The following RAB40A variants were observed in gnomAD, a reference collection of about 807,000 sequenced individuals.
RAB40A encodes the protein ras-related protein Rab-40A.
For missense variants in RAB40A, 145 were observed against 230.2 expected (o/e 0.63, Z 2.40); for synonymous variants, 65 against 99.9 (o/e 0.65, Z 2.08).
At chrX:103,503,189 CA>C (rs1603129736) in intron 2 of RAB40A, 76 of 751,744 alleles carry the variant, frequency 1.0e-4, no homozygotes, top group Non-Finnish European at 1.2e-4. Flanking sequence ...AGATGTAAAA[CA>C]AGACTGTAAA....
At chrX:103,511,370 G>T (rs1313433039) in intron 2 of RAB40A, among the ~76,000 whole-genome samples, 3 of 110,046 alleles carry the variant, frequency 2.7e-5, no homozygotes, top group Admixed American at 9.7e-5. Context: ...AGGTGTGGTG[G>T]TGGGCGCCTG....
chrX:103,501,009 C>G (rs1346896461), intron 2 of RAB40A, 183 bp from the exon 3 acceptor site: 2 of 415,325 alleles, frequency 4.8e-6, no homozygotes, highest in Non-Finnish European at 8.2e-6. Flanking sequence ...TCATGGAAAC[C>G]TATACATTTC....
At chrX:103,509,198 C>A (rs1048983891) in intron 2 of RAB40A, among the ~76,000 whole-genome samples, 55 of 111,302 alleles carry the variant, frequency 4.9e-4, no homozygotes, top group African/African-American at 1.7e-3. Context: ...GAGACGACTT[C>A]TTCACGTCAA....
In RAB40A at chrX:103,499,998, G is replaced by A. The variant is rs2073213010; in HGVS notation, c.759C>T (p.Leu253=). The A allele has an allele frequency of 1.7e-5, 20 of 1,207,385 alleles. No individual in the cohort carries two copies. Among genetic ancestry groups the A allele is most frequent in the Non-Finnish European group, 2.2e-5 (20 of 892,431 alleles). The change falls in exon 3 of 3, where the codon CTC becomes CTT. Residue 253 remains leucine, a synonymous_variant. Coordinates refer to ENST00000304236, the MANE Select transcript of RAB40A (RefSeq NM_080879.3). ...GTGGGCAGACGATCTCCACTTTGCA[G>A]AGGCTGCTCTTGTGAGTGGAGCTGG... ...LTTSSTHKSS[L]CKVEIVCPPQ...
chrX:103,503,860 G>GACAC (rs765010115), intron 2 of RAB40A, among the ~76,000 whole-genome samples: 9 of 111,707 alleles, frequency 8.1e-5, no homozygotes, highest in African/African-American at 2.6e-4. Context: ...GCTAGACCTA[G>GACAC]ACACACACAC....
intron 2 of RAB40A, among the ~76,000 whole-genome samples, chrX:103,505,612 A>G (rs1406003999): frequency 3.6e-5 from 4 of 111,287 alleles, no homozygotes; most frequent in Non-Finnish European, 7.5e-5. Context: ...TGGGATTCTT[A>G]TATTGTAAAA....
In RAB40A at chrX:103,499,688, C is replaced by T; in HGVS notation, c.*235G>A. On this transcript the variant is annotated 3_prime_UTR_variant, in exon 3 of 3. Transcript: ENST00000304236. ...AGAGTTGAGCAAAGTACTAATTTCC[C>T]CTTTATAAACACACGTTTAAAACAA... 2.2e-6 allele frequency: 1 copy of T among 452,904 alleles called. No homozygotes were observed. The highest frequency in any genetic ancestry group is 3.9e-6 in the Non-Finnish European group (1 of 256,897). The allele number at this position is 452,904 out of a possible 1,213,427, so 37.3% of individuals were successfully genotyped here. A position where few individuals can be genotyped will look rare whatever the true frequency, so the allele number is the denominator to read the frequency against.
intron 2 of RAB40A, chrX:103,501,498 CAGAAG>C (rs1287266547): frequency 3.2e-5 from 4 of 123,654 alleles, no homozygotes; most frequent in African/African-American, 1.3e-4. Context: ...GCCAAGATCT[CAGAAG>C]AGATATCTAG....
In RAB40A at chrX:103,501,682, G is replaced by A. The variant is rs749942379; in HGVS notation, c.-70-856C>T. The A allele has an allele frequency of 8.1e-5, 10 of 123,296 alleles. No homozygotes were observed. In the South Asian group the frequency reaches 2.2e-3, roughly 27 times the overall value. The allele number at this position is 123,296 out of a possible 1,213,427, so 10.2% of individuals were successfully genotyped here. Reference sequence around the variant, plus strand: ...GTATATGGTTCACAGGTGAAGAAACGCAAATGGCCAGTAATCACAAGAAAA... The same window carrying A: ...GTATATGGTTCACAGGTGAAGAAACACAAATGGCCAGTAATCACAAGAAAA... On this transcript the variant is annotated intron_variant, in intron 2 of 2. Transcript: ENST00000304236.
chrX:103,503,912 A>G (rs2073241419), intron 2 of RAB40A, among the ~76,000 whole-genome samples: 1 of 112,100 alleles, frequency 8.9e-6, no homozygotes, highest in Admixed American at 9.4e-5. Flanking sequence ...TTTTCACCAT[A>G]AAATAGAATA....
intron 2 of RAB40A, among the ~76,000 whole-genome samples, chrX:103,509,920 C>G (rs958371106): frequency 1.8e-5 from 2 of 109,727 alleles, no homozygotes; most frequent in Non-Finnish European, 3.8e-5. Flanking sequence ...ATTCTCCTGC[C>G]TCAGCCTCCT....
At position 103,499,908 on chromosome X, in the gene RAB40A, C is replaced by T. The variant is rs761678073; in HGVS notation, c.*15G>A. 8.3e-7 allele frequency: 1 copy of T among 1,207,398 alleles called. No individual in the cohort carries two copies. The highest frequency in any genetic ancestry group is 3.0e-5 in the East Asian group (1 of 33,791). On this transcript the variant is annotated 3_prime_UTR_variant, in exon 3 of 3. Coordinates refer to ENST00000304236, the MANE Select transcript of RAB40A (RefSeq NM_080879.3). ...TCCTGGAGCGATTCCAGCTTGTTTCCTTTTGGTGCCTTCCTTAAGAAATTT... is the reference window on the plus strand; with the variant it reads ...TCCTGGAGCGATTCCAGCTTGTTTCTTTTTGGTGCCTTCCTTAAGAAATTT...
chrX:103,503,335 G>A (rs2147580484), intron 2 of RAB40A: 1 of 750,870 alleles, frequency 1.3e-6, no homozygotes, highest in African/African-American at 2.3e-5. Context: ...GGACTGAAAG[G>A]GAATGGGAGG....
rs755783124 is a variant in RAB40A, at chrX:103,500,751, G to A, written c.6C>T (p.Ser2=). 2.5e-6 allele frequency: 3 copies of A among 1,207,049 alleles called. No individual in the cohort carries two copies. Among genetic ancestry groups the A allele is most frequent in the African/African-American group, 1.7e-5 (1 of 57,232 alleles). ...AGGCCTGGTCGGGGCTGCCCGGGGC[G>A]CTCATGGTGCTGGCCCCGCACTCCC... M[S]APGSPDQAYD... is the part of the protein sequence containing the mutation. Residue 2 remains serine, a synonymous_variant, in exon 3 of 3, where the codon AGC becomes AGT. Transcript: ENST00000304236.
downstream of RAB40A, among the ~76,000 whole-genome samples, chrX:103,495,327 T>C (rs1406995333): frequency 8.9e-6 from 1 of 112,239 alleles, no homozygotes; most frequent in Non-Finnish European, 1.9e-5. Context: ...TCTAGGTTTT[T>C]CCAAATATAA....
intron 2 of RAB40A, among the ~76,000 whole-genome samples, chrX:103,514,908 A>C (rs924991784): frequency 2.7e-5 from 3 of 112,104 alleles, no homozygotes; most frequent in African/African-American, 9.7e-5. Flanking sequence ...TTATGTTTGT[A>C]TATTACCCCC....
In RAB40A at chrX:103,501,800, A is replaced by G. The variant is rs1039255533; in HGVS notation, c.-70-974T>C. On this transcript the variant is annotated intron_variant, in intron 2 of 2. Coordinates refer to ENST00000304236, the MANE Select transcript of RAB40A (RefSeq NM_080879.3). ...TCATCTGACAAAATTTAAATGTAGAAAAAAACCGAAAAAGAATTTTTTTTT... is the reference window on the plus strand; with the variant it reads ...TCATCTGACAAAATTTAAATGTAGAGAAAAACCGAAAAAGAATTTTTTTTT... 5 of 123,662 alleles carry G rather than the reference A, an allele frequency of 4.0e-5. No individual in the cohort carries two copies. The Admixed American group carries it at 4.7e-4, about 12-fold the overall frequency. 10.2% of individuals were successfully genotyped at this position (123,662 alleles called of 1,213,427 possible).
chrX:103,500,324 C>T lies in RAB40A; in HGVS notation c.433G>A (p.Ala145Thr), dbSNP rs764858205. ...AAGAAGGTCACACCCAGGCGCTCGG[C>T]GTAGGCCTGGGCCTGCTCCCTGGGC... The part of the protein sequence containing the change: ...QVPREQAQAY[A>T]ERLGVTFFEV... The change falls in exon 3 of 3, where the codon GCC becomes ACC. Residue 145 changes from alanine to threonine, a missense_variant. By Grantham distance (58) the Ala-to-Thr change is moderately conservative. Transcript: ENST00000304236. 1.7e-6 allele frequency: 2 copies of T among 1,212,088 alleles called. No homozygotes were observed. The highest frequency in any genetic ancestry group is 1.8e-5 in the South Asian group (1 of 57,024).
intron 2 of RAB40A, chrX:103,501,911 G>A (rs2073230329): frequency 8.1e-6 from 1 of 123,228 alleles, no homozygotes; most frequent in South Asian, 3.7e-4. Context: ...ATACATCAAG[G>A]AAATGGAAAC....
Sources: gnomAD v4.1 joint callset for allele counts (sites outside exome capture counted in the v4.1 genomes callset) on GRCh38, gnomAD v4.1.1 for gene constraint, MANE v1.5 for transcripts, NCBI Gene and HGNC (gene_info 2026-07-23, HGNC 2026-07-21) for gene names.